TULP4: variants seen among roughly 807,000 people sequenced by gnomAD.
TULP4 encodes TUB like protein 4, also known as tubby-related protein 4.
TULP4 carries 16 observed loss-of-function variants against 129.0 expected under a neutral mutation model. The observed-to-expected ratio is 0.12, with a 90% CI of 0.08 to 0.19. The LOEUF (loss-of-function observed/expected upper bound fraction) is 0.19, where lower values mean the gene tolerates loss of function less well. TULP4 is among the 10% of genes least tolerant of loss of function. The pLI, the probability that TULP4 is intolerant of heterozygous loss-of-function variation, is 1.00. For synonymous variants in TULP4, 998 were observed against 854.0 expected (o/e 1.17, Z -2.94); for missense variants, 1,842 against 2,059.1 (o/e 0.89, Z 2.04).
intron 6 of TULP4, among the ~76,000 whole-genome samples, chr6:158,466,290 G>C (rs1779552698): frequency 6.6e-6 from 1 of 152,094 alleles, no homozygotes; most frequent in Admixed American, 6.5e-5. Context: ...TTTATTTTTG[G>C]TTTACAAGCG....
intron 1 of TULP4, among the ~76,000 whole-genome samples, chr6:158,346,874 A>G (rs1409785273): frequency 6.6e-6 from 1 of 152,154 alleles, no homozygotes; most frequent in Non-Finnish European, 1.5e-5. Context: ...TTAAATTTCA[A>G]GTTAATATGT....
chr6:158,504,715 T>A (rs1232613302), intron 13 of TULP4, among the ~76,000 whole-genome samples: 2 of 151,778 alleles, frequency 1.3e-5, no homozygotes, highest in Non-Finnish European at 2.9e-5. Flanking sequence ...GGTCTCAAAC[T>A]CCTGGGTTCC....
chr6:158,294,053 G>C (rs917995322), intron 1 of TULP4, among the ~76,000 whole-genome samples: 1 of 152,130 alleles, frequency 6.6e-6, no homozygotes, highest in Non-Finnish European at 1.5e-5. Context: ...GAAAGGAAAG[G>C]AGTGATTCTA....
chr6:158,398,991 T>C (rs1251722277), intron 1 of TULP4, among the ~76,000 whole-genome samples: 1 of 152,218 alleles, frequency 6.6e-6, no homozygotes, highest in Non-Finnish European at 1.5e-5. Flanking sequence ...GTGAACGTTG[T>C]GTGGATACAG....
At chr6:158,288,743 A>G (rs902059063) in intron 1 of TULP4, among the ~76,000 whole-genome samples, 1 of 151,820 alleles carries the variant, frequency 6.6e-6, no homozygotes. Context: ...CTCGTGATCC[A>G]CCCTCCTCGA....
intron 6 of TULP4, among the ~76,000 whole-genome samples, chr6:158,468,700 C>G (rs1323735185): frequency 6.6e-6 from 1 of 152,144 alleles, no homozygotes; most frequent in East Asian, 1.9e-4. Context: ...AAGAAAATAC[C>G]TTAGACTGGG....
chr6:158,309,266 G>A (rs1345662410), upstream of TULP4, among the ~76,000 whole-genome samples: 2 of 140,330 alleles, frequency 1.4e-5, no homozygotes, highest in Admixed American at 7.1e-5. Context: ...TCGCGGCCGG[G>A]CAGAGGCACT....
chr6:158,511,765 T>G lies in TULP4; in HGVS notation c.*5071T>G, dbSNP rs1348267526. Reference sequence around the variant, plus strand: ...ACGGATTAATCTCCTTATTTTTTTCTTGATGATTTGAAGTTGTAAGAGTTG... The same window carrying G: ...ACGGATTAATCTCCTTATTTTTTTCGTGATGATTTGAAGTTGTAAGAGTTG... On this transcript the variant is annotated 3_prime_UTR_variant, in exon 14 of 14. Transcript: ENST00000367097. 1 of 152,254 alleles carries G rather than the reference T, an allele frequency of 6.6e-6. No individual in the cohort carries two copies. 9.4% of individuals were successfully genotyped at this position (152,254 alleles called of 1,614,324 possible).
chr6:158,268,490 G>A (rs9366086), intron 1 of TULP4, among the ~76,000 whole-genome samples: 49,975 of 152,002 alleles, frequency 0.33, 9,209 homozygotes, highest in Admixed American at 0.45. Flanking sequence ...TTTATAAACA[G>A]TAGAAATGTG....
intron 1 of TULP4, among the ~76,000 whole-genome samples, chr6:158,348,273 ATAAACACG>A (rs1780366300): frequency 6.6e-6 from 1 of 150,992 alleles, no homozygotes; most frequent in African/African-American, 2.4e-5. Flanking sequence ...AGGTCAGCAG[ATAAACACG>A]TGAACAAAAG....
At chr6:158,240,845 G>A (rs1232898607) in intron 1 of TULP4, among the ~76,000 whole-genome samples, 4 of 149,786 alleles carry the variant, frequency 2.7e-5, no homozygotes, top group Non-Finnish European at 4.5e-5. Context: ...GGGCGGGGGG[G>A]CTGACCCCCC....
chr6:158,239,214 A>G (rs796582586), intron 1 of TULP4, among the ~76,000 whole-genome samples: 21,814 of 31,956 alleles, frequency 0.68, 8,301 homozygotes, highest in African/African-American at 0.91. Context: ...CCCGGACGGG[A>G]CGGCTGGCCG....
intron 5 of TULP4, among the ~76,000 whole-genome samples, chr6:158,456,507 C>T (rs887136427): frequency 3.1e-5 from 4 of 129,966 alleles, no homozygotes; most frequent in African/African-American, 1.3e-4. Context: ...AGATTGGACA[C>T]CTCTGTTCTA....
At chr6:158,276,238 G>A (rs1282626116) in intron 1 of TULP4, among the ~76,000 whole-genome samples, 1 of 151,910 alleles carries the variant, frequency 6.6e-6, no homozygotes, top group Non-Finnish European at 1.5e-5. Context: ...CCAAAGTGCT[G>A]GGATTACAGG....
upstream of TULP4, among the ~76,000 whole-genome samples, chr6:158,309,720 C>A (rs1369012774): frequency 6.6e-6 from 1 of 152,102 alleles, no homozygotes; most frequent in Non-Finnish European, 1.5e-5. Context: ...GAAACCCCGT[C>A]TCCACCAAAA....
In TULP4 at chr6:158,452,012, A is replaced by G. The variant is rs1263004892; in HGVS notation, c.725-122A>G. ...AATGTTTCATTCAGGTAGCATCCCA[A>G]TCCAGAGTAGGATCTGCATTGTCAG... On this transcript the variant is annotated intron_variant, in intron 4 of 13. Transcript: ENST00000367097. 1.1e-5 allele frequency: 16 copies of G among 1,451,170 alleles called. No homozygotes were observed. The Admixed American group carries it at 1.6e-4, about 14-fold the overall frequency. The allele number at this position is 1,451,170 out of a possible 1,614,324, so 89.9% of individuals were successfully genotyped here. A position where few individuals can be genotyped will look rare whatever the true frequency, so the allele number is the denominator to read the frequency against.
chr6:158,244,846 AAATAAT>A (rs558995601), intron 1 of TULP4, among the ~76,000 whole-genome samples: 153 of 152,142 alleles, frequency 1.0e-3, no homozygotes, highest in Non-Finnish European at 9.9e-4. Flanking sequence ...TTTTTTATTT[AAATAAT>A]AATAAAAAAA....
intron 2 of TULP4, among the ~76,000 whole-genome samples, chr6:158,428,551 C>A (rs1778555823): frequency 6.6e-6 from 1 of 151,870 alleles, no homozygotes; most frequent in Non-Finnish European, 1.5e-5. Context: ...AAAATGTGGT[C>A]ATTTGAATAG....
chr6:158,382,322 G>T (rs1777346142), intron 1 of TULP4, among the ~76,000 whole-genome samples: 1 of 152,270 alleles, frequency 6.6e-6, no homozygotes, highest in Non-Finnish European at 1.5e-5. Flanking sequence ...TCCTTGAGAA[G>T]TAGAGGGCAA....
Sources: allele counts gnomAD v4.1 joint callset (sites outside exome capture counted in the v4.1 genomes callset), GRCh38; gene constraint gnomAD v4.1.1; transcripts MANE v1.5; gene names NCBI Gene and HGNC (gene_info 2026-07-23, HGNC 2026-07-21).